The following CACNA1D variants were observed in gnomAD, a reference collection of about 807,000 sequenced individuals.
CACNA1D encodes calcium voltage-gated channel subunit alpha1 D, also known as voltage-dependent L-type calcium channel subunit alpha-1D.
A neutral mutation model predicts 257.1 loss-of-function variants in CACNA1D; 55 were observed. That is an observed-to-expected ratio of 0.21 (90% CI 0.17 to 0.27). The LOEUF is 0.27. Among genes scored for constraint, CACNA1D ranks in the 10% least tolerant of loss-of-function variants. The pLI is 1.00. For synonymous variants in CACNA1D, 980 were observed against 1,014.9 expected (o/e 0.97, Z 0.65); for missense variants, 1,876 against 2,784.0 (o/e 0.67, Z 7.34).
At chr3:53,596,327 T>C (rs974976919) in intron 3 of CACNA1D, among the ~76,000 whole-genome samples, 6 of 151,962 alleles carry the variant, frequency 3.9e-5, no homozygotes, top group African/African-American at 1.5e-4. Flanking sequence ...CCCATGAGTG[T>C]GAGGAAGGAT....
At chr3:53,808,533 ACCG>A in intron 45 of CACNA1D, 113 bp from the exon 46 acceptor site, 1 of 1,272,928 alleles carries the variant, frequency 7.9e-7, no homozygotes, top group Non-Finnish European at 1.1e-6. Context: ...TCTTGGACAA[ACCG>A]CATGCTTCTT....
At chr3:53,653,642 C>T (rs2094120080) in intron 4 of CACNA1D, among the ~76,000 whole-genome samples, 1 of 152,032 alleles carries the variant, frequency 6.6e-6, no homozygotes, top group African/African-American at 2.4e-5. Context: ...GAACATATGG[C>T]AATAACATGA....
intron 3 of CACNA1D, among the ~76,000 whole-genome samples, chr3:53,547,744 A>G (rs892415101): frequency 1.4e-4 from 21 of 152,174 alleles, no homozygotes; most frequent in African/African-American, 5.1e-4. Context: ...GCTGACTGTC[A>G]TGACCCAACC....
intron 2 of CACNA1D, among the ~76,000 whole-genome samples, chr3:53,499,824 T>C (rs558485889): frequency 6.1e-4 from 93 of 152,130 alleles, no homozygotes; most frequent in African/African-American, 2.0e-3. Context: ...GAGAACAACA[T>C]TGGGGCCCTT....
At chr3:53,583,367 C>T (rs907825128) in intron 3 of CACNA1D, among the ~76,000 whole-genome samples, 2 of 152,274 alleles carry the variant, frequency 1.3e-5, no homozygotes, top group African/African-American at 4.8e-5. Context: ...GCATGTCCTG[C>T]CAGCAAGCTG....
intron 3 of CACNA1D, among the ~76,000 whole-genome samples, chr3:53,575,745 G>A (rs892172150): frequency 3.3e-5 from 5 of 152,078 alleles, no homozygotes; most frequent in African/African-American, 7.2e-5. Context: ...TCTACTAGTC[G>A]TGTCCGTTTA....
chr3:53,588,602 C>T (rs2093256084), intron 3 of CACNA1D, among the ~76,000 whole-genome samples: 1 of 152,208 alleles, frequency 6.6e-6, no homozygotes, highest in African/African-American at 2.4e-5. Context: ...GCGACAGACA[C>T]ATGGGTCAGC....
Position 53,726,935 on chromosome 3 carries a change from G to A in CACNA1D, c.2157G>A (p.Gly719=), listed in dbSNP as rs763494784. The A allele has an allele frequency of 3.7e-6, 6 of 1,614,154 alleles. No homozygotes were observed. Among genetic ancestry groups the A allele is most frequent in the Non-Finnish European group, 5.1e-6 (6 of 1,180,010 alleles). ...AVMYDGIMAY[G]GPSSSGMIVC... ...TGTACGATGGCATCATGGCTTACGG[G>A]GGCCCATCCTCTTCAGGAATGATCG... Residue 719 remains glycine, a synonymous_variant, in exon 15 of 48, where the codon GGG becomes GGA. Coordinates refer to ENST00000350061, the MANE Select transcript of CACNA1D (RefSeq NM_001128840.3).
intron 3 of CACNA1D, among the ~76,000 whole-genome samples, chr3:53,637,569 C>G (rs774355602): frequency 5.9e-5 from 9 of 152,214 alleles, no homozygotes; most frequent in Non-Finnish European, 1.0e-4. Context: ...TTGGAGCCAC[C>G]AGGTTCCCTG....
chr3:53,794,083 C>T (rs1474673693), intron 40 of CACNA1D, among the ~76,000 whole-genome samples: 1 of 152,166 alleles, frequency 6.6e-6, no homozygotes, highest in African/African-American at 2.4e-5. Flanking sequence ...GTACTACATT[C>T]TATACTCTTT....
chr3:53,773,762 T>C (rs1343341080), intron 33 of CACNA1D: 1 of 152,168 alleles, frequency 6.6e-6, no homozygotes, highest in Non-Finnish European at 1.5e-5. Context: ...GTCAGCATAC[T>C]TGAGCCTCTG....
chr3:53,724,615 A>G (rs1479635591), intron 14 of CACNA1D, among the ~76,000 whole-genome samples: 4 of 152,202 alleles, frequency 2.6e-5, no homozygotes, highest in Non-Finnish European at 5.9e-5. Flanking sequence ...GCAGCAGCAC[A>G]TGCTCCCCTG....
intron 3 of CACNA1D, among the ~76,000 whole-genome samples, chr3:53,518,455 G>A (rs1230473433): frequency 2.0e-5 from 3 of 152,084 alleles, no homozygotes; most frequent in South Asian, 4.2e-4. Context: ...ATAGGTGTCC[G>A]GTGGTCTCTC....
At chr3:53,760,749 T>A (rs909787466) in intron 29 of CACNA1D, among the ~76,000 whole-genome samples, 1 of 152,194 alleles carries the variant, frequency 6.6e-6, no homozygotes, top group Admixed American at 6.5e-5. Flanking sequence ...CCCTCAAAAT[T>A]GTTGCAAGAT....
chr3:53,680,267 A>C (rs1239274183), intron 8 of CACNA1D, among the ~76,000 whole-genome samples: 1 of 152,106 alleles, frequency 6.6e-6, no homozygotes, highest in Admixed American at 6.5e-5. Flanking sequence ...ACAGCAGTGG[A>C]CAGCAGCCAG....
intron 8 of CACNA1D, among the ~76,000 whole-genome samples, chr3:53,691,320 A>T (rs1480224806): frequency 1.3e-5 from 2 of 152,004 alleles, no homozygotes; most frequent in Non-Finnish European, 2.9e-5. Context: ...TTGTATTTTT[A>T]GTAGAAATGG....
At chr3:53,619,741 T>C (rs1020486322) in intron 3 of CACNA1D, among the ~76,000 whole-genome samples, 2 of 152,214 alleles carry the variant, frequency 1.3e-5, no homozygotes, top group African/African-American at 4.8e-5. Context: ...GCTGCTTGTT[T>C]AAAATTTTAA....
At chr3:53,788,886 A>G (rs61616709) in intron 40 of CACNA1D, among the ~76,000 whole-genome samples, 7,277 of 152,260 alleles carry the variant, frequency 0.048, 313 homozygotes, top group African/African-American at 0.11. Context: ...ATGCAGGGTC[A>G]TTTATACTTT....
At chr3:53,752,479 A>C (rs933564500) in intron 28 of CACNA1D, among the ~76,000 whole-genome samples, 3 of 152,188 alleles carry the variant, frequency 2.0e-5, no homozygotes, top group African/African-American at 7.2e-5. Flanking sequence ...GGCTCACTGC[A>C]ACCTCCGCCT....
Sources: allele counts gnomAD v4.1 joint callset (sites outside exome capture counted in the v4.1 genomes callset), GRCh38; gene constraint gnomAD v4.1.1; transcripts MANE v1.5; gene names NCBI Gene and HGNC (gene_info 2026-07-23, HGNC 2026-07-21).